FRAS1: variants seen among roughly 807,000 people sequenced by gnomAD.
FRAS1 encodes the protein extracellular matrix organizing protein FRAS1.
A neutral mutation model predicts 435.2 loss-of-function variants in FRAS1; 290 were observed. The observed-to-expected ratio is 0.67, with a 90% CI of 0.61 to 0.73. The LOEUF (loss-of-function observed/expected upper bound fraction) is 0.73, where lower values mean the gene tolerates loss of function less well. Ranked by LOEUF, FRAS1 falls within the 30% of genes least tolerant of loss-of-function variation. The probability of loss-of-function intolerance (pLI) is 0.00; values close to 1 mark genes in which losing one functional copy is unlikely to be tolerated. For missense variants in FRAS1, 4,860 were observed against 5,001.5 expected (o/e 0.97, Z 0.85); for synonymous variants, 1,800 against 1,851.0 (o/e 0.97, Z 0.71).
At position 78,286,556 on chromosome 4, in the gene FRAS1, C is replaced by T; in HGVS notation, c.1534+17C>T. On this transcript the variant is annotated intron_variant, in intron 14 of 73. Coordinates refer to ENST00000512123, the MANE Select transcript of FRAS1 (RefSeq NM_025074.7). ...CCTGTGCAGGTAATCTCTGGCTGGG[C>T]CACAGTTGGGCCAGCTACCAAGACA... 1.9e-6 allele frequency: 3 copies of T among 1,608,884 alleles called. No homozygotes were observed. The highest frequency in any genetic ancestry group is 2.5e-6 in the Non-Finnish European group (3 of 1,178,270).
intron 2 of FRAS1, among the ~76,000 whole-genome samples, chr4:78,088,574 AT>A (rs914259567): frequency 6.6e-6 from 1 of 151,648 alleles, no homozygotes; most frequent in African/African-American, 2.4e-5. Context: ...ACTCAAACAA[AT>A]TTCCAAGAAA....
intron 6 of FRAS1, among the ~76,000 whole-genome samples, chr4:78,256,869 C>T (rs1245608877): frequency 6.6e-6 from 1 of 152,080 alleles, no homozygotes; most frequent in Non-Finnish European, 1.5e-5. Context: ...AACCATTTTT[C>T]TTGATTTATT....
At chr4:78,108,773 G>C (rs1267060482) in intron 2 of FRAS1, among the ~76,000 whole-genome samples, 1 of 105,972 alleles carries the variant, frequency 9.4e-6, no homozygotes, top group East Asian at 2.4e-4. Flanking sequence ...AGGAAATAGA[G>C]ACACAAAAAA....
At chr4:78,332,664 G>A (rs1394670324) in intron 18 of FRAS1, among the ~76,000 whole-genome samples, 1 of 152,136 alleles carries the variant, frequency 6.6e-6, no homozygotes, top group African/African-American at 2.4e-5. Flanking sequence ...AAATGAGTTA[G>A]TCAAAGTCAC....
intron 36 of FRAS1, 57 bp downstream of exon 36, chr4:78,429,283 C>A: frequency 6.5e-7 from 1 of 1,548,686 alleles, no homozygotes; most frequent in Non-Finnish European, 8.7e-7. Context: ...ATATTGCTGC[C>A]CCTCTTCAAA....
At chr4:78,102,477 A>G (rs1026398840) in intron 2 of FRAS1, among the ~76,000 whole-genome samples, 23 of 152,198 alleles carry the variant, frequency 1.5e-4, no homozygotes, top group Non-Finnish European at 4.4e-5. Context: ...GGCTGTGATC[A>G]TTATCACACT....
intron 18 of FRAS1, among the ~76,000 whole-genome samples, chr4:78,332,683 A>C (rs1383947757): frequency 1.3e-5 from 2 of 151,164 alleles, no homozygotes; most frequent in Non-Finnish European, 2.9e-5. Flanking sequence ...ACATAGAGCT[A>C]TGCTGTGATG....
chr4:78,482,849 A>G (rs1446069436), intron 58 of FRAS1, among the ~76,000 whole-genome samples: 1 of 152,176 alleles, frequency 6.6e-6, no homozygotes, highest in Non-Finnish European at 1.5e-5. Context: ...TAAATGACCT[A>G]ATAGTACTAT....
Position 78,059,345 on chromosome 4 carries a change from C to A in FRAS1, c.76+1260C>A, listed in dbSNP as rs117000344. On this transcript the variant is annotated intron_variant, in intron 1 of 73. Transcript: ENST00000512123. ...TCCACGCACAAGGGTGGGGGACTTT[C>A]CCGTGGGTCCAGGTGCTGCCTTCTG... Among the ~76,000 whole-genome samples the A allele has an allele frequency of 1.2e-3, 187 of 152,220 alleles. 8 individuals are homozygous for A. The East Asian group carries it at 0.034, about 28-fold the overall frequency.
chr4:78,120,323 C>T (rs1389468314), intron 2 of FRAS1, among the ~76,000 whole-genome samples: 1 of 152,206 alleles, frequency 6.6e-6, no homozygotes, highest in East Asian at 1.9e-4. Flanking sequence ...CCTGTGCCAG[C>T]TTATGGGCTT....
Position 78,542,049 on chromosome 4 carries a change from C to T in FRAS1, c.*925C>T, listed in dbSNP as rs1475580509. On this transcript the variant is annotated 3_prime_UTR_variant, in exon 74 of 74. Transcript: ENST00000512123. ...TTGCCCGTTCCTGTAACAGACAATC[C>T]CATGTCCTAGGTATGGTTTTTTATT... is the stretch of plus-strand genomic sequence containing the variant. The T allele has an allele frequency of 2.0e-5, 3 of 152,208 alleles. No homozygotes were observed. The highest frequency in any genetic ancestry group is 2.9e-5 in the Non-Finnish European group (2 of 68,038). The allele number at this position is 152,208 out of a possible 1,614,324, so 9.4% of individuals were successfully genotyped here.
In FRAS1 at chr4:78,526,567, T is replaced by G; in HGVS notation, c.10835T>G (p.Ile3612Ser). 6.3e-7 allele frequency: 1 copy of G among 1,599,902 alleles called. No individual in the cohort carries two copies. Among genetic ancestry groups the G allele is most frequent in the Non-Finnish European group, 8.5e-7 (1 of 1,173,302 alleles). ...NRKDYSGEYT[I>S]YLIPCTVQPT... ...AAGGACTACTCAGGAGAGTACACCA[T>G]CTACCTGATCCCTTGCACAGTGCAG... Residue 3612 changes from isoleucine (I) to serine (S), a missense_variant, in exon 70 of 74, where the codon ATC becomes AGC. By Grantham distance (142) the Ile-to-Ser change is moderately radical. Transcript: ENST00000512123.
At position 78,452,332 on chromosome 4, in the gene FRAS1, C is replaced by T. The variant is rs562261515; in HGVS notation, c.6741C>T (p.His2247=). ...TCACCAGACAGCCCCAGCTGGGCCACTTGGAACATGCAGCATCACCAGGTA... is the reference window on the plus strand; with the variant it reads ...TCACCAGACAGCCCCAGCTGGGCCATTTGGAACATGCAGCATCACCAGGTA... ...YRITRQPQLG[H]LEHAASPGIQ... The change falls in exon 47 of 74, where the codon CAC becomes CAT. Residue 2247 remains histidine, a synonymous_variant. Coordinates refer to ENST00000512123, the MANE Select transcript of FRAS1 (RefSeq NM_025074.7). The T allele has an allele frequency of 1.9e-6, 3 of 1,606,868 alleles. No homozygotes were observed. Among genetic ancestry groups the T allele is most frequent in the African/African-American group, 1.3e-5 (1 of 74,480 alleles).
Position 78,429,211 on chromosome 4 carries a change from G to A in FRAS1, c.4828G>A (p.Gly1610Ser). Residue 1610 changes from glycine (G) to serine (S), a missense_variant, in exon 36 of 74, where the codon GGC becomes AGC. Physicochemically the swap from Gly to Ser is moderately conservative, Grantham distance 56. Transcript: ENST00000512123. ...TAPRLAVSPG[G>S]STSVGLQVVV... is the part of the protein sequence containing the mutation. ...TCCACGGCTGGCGGTCAGCCCAGGAGGCAGCACTTCTGTAGGTAAGAACTG... is the reference window on the plus strand; with the variant it reads ...TCCACGGCTGGCGGTCAGCCCAGGAAGCAGCACTTCTGTAGGTAAGAACTG... The A allele has an allele frequency of 6.2e-7, 1 of 1,607,754 alleles. No homozygotes were observed. The highest frequency in any genetic ancestry group is 8.5e-7 in the Non-Finnish European group (1 of 1,177,428).
At chr4:78,298,857 G>A (rs112696285) in intron 14 of FRAS1, among the ~76,000 whole-genome samples, 6 of 152,302 alleles carry the variant, frequency 3.9e-5, no homozygotes, top group African/African-American at 1.4e-4. Context: ...CCATTTGGGA[G>A]GGTATTGAAT....
Position 78,337,828 on chromosome 4 carries a change from C to G in FRAS1, c.2422+11C>G. ...TGGGATACTGTGCTGGTGAGTGAAA[C>G]TCCTGTGGACTCCTCGGAAATCACT... On this transcript the variant is annotated intron_variant, in intron 20 of 73. Coordinates refer to ENST00000512123, the MANE Select transcript of FRAS1 (RefSeq NM_025074.7). 1 of 1,613,754 alleles carries G rather than the reference C, an allele frequency of 6.2e-7. No homozygotes were observed. Among genetic ancestry groups the G allele is most frequent in the Non-Finnish European group, 8.5e-7 (1 of 1,179,730 alleles).
rs961911715 is a variant in FRAS1, at chr4:78,429,190, C to T, written c.4807C>T (p.Arg1603Trp). ...GCCAGTGTTCCAGGTCACAGCTCCA[C>T]GGCTGGCGGTCAGCCCAGGAGGCAG... ...QLPVFQVTAP[R>W]LAVSPGGSTS... The change falls in exon 36 of 74, where the codon CGG becomes TGG. Residue 1603 changes from arginine to tryptophan, a missense_variant. Arg to Trp is a moderately radical substitution (Grantham distance 101). Coordinates refer to ENST00000512123, the MANE Select transcript of FRAS1 (RefSeq NM_025074.7). 21 of 1,605,824 alleles carry T rather than the reference C, an allele frequency of 1.3e-5. No individual in the cohort carries two copies. Among genetic ancestry groups the T allele is most frequent in the Middle Eastern group, 1.6e-4 (1 of 6,074 alleles).
chr4:78,312,240 G>A lies in FRAS1; in HGVS notation c.1679-3354G>A, dbSNP rs374645034. The stretch of plus-strand genomic sequence containing the variant: ...CCCATTTGATTTTTTTCCATTTCAC[G>A]ATCCAGTTTTCCCAACATTGTTTAG... On this transcript the variant is annotated intron_variant, in intron 15 of 73. Coordinates refer to ENST00000512123, the MANE Select transcript of FRAS1 (RefSeq NM_025074.7). 1.1e-4 allele frequency among the ~76,000 whole-genome samples: 15 copies of A among 139,766 alleles called. No individual in the cohort carries two copies. In the East Asian group the frequency reaches 1.4e-3, roughly 13 times the overall value. 91.7% of individuals were successfully genotyped at this position (139,766 alleles called of 152,430 possible). A position where few individuals can be genotyped will look rare whatever the true frequency, so the allele number is the denominator to read the frequency against.
chr4:78,341,385 G>A (rs1333794318), intron 20 of FRAS1, among the ~76,000 whole-genome samples: 1 of 152,172 alleles, frequency 6.6e-6, no homozygotes, highest in Non-Finnish European at 1.5e-5. Flanking sequence ...TGTCGCGACT[G>A]CATTTCTGTG....
Sources: allele counts gnomAD v4.1 joint callset (sites outside exome capture counted in the v4.1 genomes callset), GRCh38; gene constraint gnomAD v4.1.1; transcripts MANE v1.5; gene names NCBI Gene and HGNC (gene_info 2026-07-23, HGNC 2026-07-21).